The following COPS3 variants were observed in gnomAD, a reference collection of about 807,000 sequenced individuals.
COPS3 encodes the protein COP9 signalosome subunit 3.
COPS3 carries 10 observed loss-of-function variants against 58.2 expected under a neutral mutation model. The observed-to-expected ratio is 0.17, with a 90% CI of 0.11 to 0.29. The LOEUF is 0.29. Ranked by LOEUF, COPS3 falls within the 10% of genes least tolerant of loss-of-function variation. The probability of loss-of-function intolerance (pLI) is 1.00; values close to 1 mark genes in which losing one functional copy is unlikely to be tolerated. For missense variants in COPS3, 333 were observed against 510.1 expected (o/e 0.65, Z 3.34); for synonymous variants, 187 against 181.7 (o/e 1.03, Z -0.24).
chr17:17,280,863 C>A, intron 1 of COPS3: 1 of 1,129,088 alleles, frequency 8.9e-7, no homozygotes, highest in Non-Finnish European at 1.2e-6. Flanking sequence ...AGCAAAGCGC[C>A]CGGTGGAAGG....
At chr17:17,274,052 T>C (rs2048407844) in intron 2 of COPS3, among the ~76,000 whole-genome samples, 1 of 152,204 alleles carries the variant, frequency 6.6e-6, no homozygotes. Context: ...TATACACACA[T>C]AAACTCACAT....
chr17:17,260,576 G>T (rs1487527327), intron 7 of COPS3, 102 bp from the exon 8 acceptor site: 18 of 1,098,020 alleles, frequency 1.6e-5, no homozygotes, highest in Non-Finnish European at 2.4e-5. Flanking sequence ...GGCCGAGGCG[G>T]ACAAATCACC....
intron 11 of COPS3, 46 bp from the exon 12 acceptor site, chr17:17,247,197 A>AG: frequency 6.3e-7 from 1 of 1,584,024 alleles, no homozygotes; most frequent in South Asian, 1.1e-5. Flanking sequence ...GCTTTTATCA[A>AG]GGGTTCCCCG....
At chr17:17,280,451 T>A (rs949167988) in intron 1 of COPS3, 2 of 728,480 alleles carry the variant, frequency 2.7e-6, no homozygotes, top group African/African-American at 2.0e-5. Flanking sequence ...TCTCAGCTAC[T>A]CGGGAGGCTG....
At chr17:17,263,713 C>T (rs886693260) in intron 6 of COPS3, among the ~76,000 whole-genome samples, 1 of 151,652 alleles carries the variant, frequency 6.6e-6, no homozygotes, top group African/African-American at 2.4e-5. Flanking sequence ...GGGGTTTCTC[C>T]ACGTTGGTCA....
Position 17,247,637 on chromosome 17 carries a change from C to T in COPS3, c.1138-77G>A, listed in dbSNP as rs892068270. Reference sequence around the variant, plus strand: ...CATCCTTTCTAACTTACACTGTTCACAAGGGTGCTATAGGTTCACAATCTC... The same window carrying T: ...CATCCTTTCTAACTTACACTGTTCATAAGGGTGCTATAGGTTCACAATCTC... On this transcript the variant is annotated intron_variant, in intron 10 of 11. Coordinates refer to ENST00000268717, the MANE Select transcript of COPS3 (RefSeq NM_003653.4). The T allele has an allele frequency of 2.8e-6, 4 of 1,419,842 alleles. No individual in the cohort carries two copies. In the African/African-American group the frequency reaches 5.6e-5, roughly 20 times the overall value. 88.0% of individuals were successfully genotyped at this position (1,419,842 alleles called of 1,614,324 possible).
At chr17:17,265,059 T>A in intron 5 of COPS3, 78 bp from the exon 6 acceptor site, 3 of 1,225,648 alleles carry the variant, frequency 2.4e-6, no homozygotes, top group South Asian at 1.3e-5. Context: ...ATTCATTGAT[T>A]CCAGAAATTT....
chr17:17,280,980 C>G, intron 1 of COPS3, 152 bp downstream of exon 1: 1 of 979,758 alleles, frequency 1.0e-6, no homozygotes, highest in Non-Finnish European at 1.5e-6. Flanking sequence ...GCGCTCGATC[C>G]TGCCCTGATC....
At chr17:17,277,299 G>A (rs75936278) in intron 1 of COPS3, among the ~76,000 whole-genome samples, 4,814 of 152,280 alleles carry the variant, frequency 0.032, 109 homozygotes, top group African/African-American at 0.064. Flanking sequence ...CTCAGGTGGA[G>A]GGATTGTCCC....
In COPS3 at chr17:17,262,002, T is replaced by C. The variant is rs763929534; in HGVS notation, c.726A>G (p.Pro242=). 1 of 1,597,182 alleles carries C rather than the reference T, an allele frequency of 6.3e-7. No individual in the cohort carries two copies. Among genetic ancestry groups the C allele is most frequent in the Non-Finnish European group, 8.5e-7 (1 of 1,169,998 alleles). ...LILLGKVQQL[P]KYTSQIVGRF... is the part of the protein sequence containing the mutation. Reference sequence around the variant, plus strand: ...TACCCACAATTTGAGATGTATATTTTGGTAGCTGTTGTACTTTGCCAAGTA... The same window carrying C: ...TACCCACAATTTGAGATGTATATTTCGGTAGCTGTTGTACTTTGCCAAGTA... Residue 242 remains proline (P), a synonymous_variant, in exon 7 of 12, where the codon CCA becomes CCG. Transcript: ENST00000268717.
rs8511 is a variant in COPS3, at chr17:17,247,077, A to C, written c.*21T>G. ...GCCAAGATGGTAGTTTCTCTTGTTT[A>C]GCTCAGGATGGATGTTAGTTTCAAG... On this transcript the variant is annotated 3_prime_UTR_variant, in exon 12 of 12. Coordinates refer to ENST00000268717, the MANE Select transcript of COPS3 (RefSeq NM_003653.4). The C allele has an allele frequency of 1.4e-3, 2,287 of 1,609,830 alleles. 34 individuals carry two copies. The African/African-American group carries it at 0.026, about 18-fold the overall frequency.
intron 2 of COPS3, among the ~76,000 whole-genome samples, chr17:17,271,497 T>C (rs1056885045): frequency 2.0e-5 from 3 of 151,812 alleles, no homozygotes; most frequent in Admixed American, 2.0e-4. Context: ...ACAATCACTA[T>C]ACAGAACGGA....
Position 17,260,482 on chromosome 17 carries a change from T to C in COPS3, c.763-8A>G, listed in dbSNP as rs748622935. 5.6e-6 allele frequency: 9 copies of C among 1,612,882 alleles called. No individual in the cohort carries two copies. The highest frequency in any genetic ancestry group is 6.8e-6 in the Non-Finnish European group (8 of 1,179,268). The stretch of plus-strand genomic sequence containing the variant: ...GTATGCATTGCTAAGAGGCTAAAGA[T>C]GCAAAGGAGGGAAAAAATTCAGATT... On this transcript the variant is annotated splice_region_variant and splice_polypyrimidine_tract_variant and intron_variant, in intron 7 of 11. Coordinates refer to ENST00000268717, the MANE Select transcript of COPS3 (RefSeq NM_003653.4).
At chr17:17,261,323 G>A (rs1357972547) in intron 7 of COPS3, among the ~76,000 whole-genome samples, 2 of 151,566 alleles carry the variant, frequency 1.3e-5, no homozygotes, top group African/African-American at 2.4e-5. Flanking sequence ...TCAAGAGATC[G>A]AGACAATCCT....
At chr17:17,274,070 T>C (rs1415091691) in intron 2 of COPS3, among the ~76,000 whole-genome samples, 3 of 152,192 alleles carry the variant, frequency 2.0e-5, no homozygotes, top group Non-Finnish European at 4.4e-5. Context: ...CATAAACATA[T>C]ATATCAGGTG....
intron 1 of COPS3, chr17:17,280,664 G>A (rs1296882710): frequency 7.7e-7 from 1 of 1,305,894 alleles, no homozygotes; most frequent in Non-Finnish European, 1.0e-6. Flanking sequence ...GCTGGCAGAG[G>A]CGAGCCATAG....
chr17:17,271,840 C>CTATATATATATATA, intron 2 of COPS3, among the ~76,000 whole-genome samples: 1 of 139,164 alleles, frequency 7.2e-6, no homozygotes, highest in African/African-American at 2.7e-5. Context: ...CTATATATAT[C>CTATATATATATATA]TATATATATA....
chr17:17,259,920 A>G (rs1020939213), intron 8 of COPS3, among the ~76,000 whole-genome samples: 1 of 152,032 alleles, frequency 6.6e-6, no homozygotes, highest in Non-Finnish European at 1.5e-5. Flanking sequence ...AAATGTTCTA[A>G]TAGAGATCAG....
At chr17:17,260,625 G>A (rs2048072890) in intron 7 of COPS3, 151 bp from the exon 8 acceptor site, 1 of 603,674 alleles carries the variant, frequency 1.7e-6, no homozygotes, top group African/African-American at 1.9e-5. Context: ...CCAACATGAA[G>A]AAACCCCGTC....
Sources: allele counts gnomAD v4.1 joint callset (sites outside exome capture counted in the v4.1 genomes callset), GRCh38; gene constraint gnomAD v4.1.1; transcripts MANE v1.5; gene names NCBI Gene and HGNC (gene_info 2026-07-23, HGNC 2026-07-21).